DENND1A: variants seen among roughly 807,000 people sequenced by gnomAD.
The protein encoded by DENND1A is DENN domain containing 1A.
DENND1A carries 51 observed loss-of-function variants against 113.7 expected under a neutral mutation model. The ratio of observed to expected loss-of-function variants is 0.45; its 90% CI spans 0.36 to 0.57. DENND1A has a LOEUF of 0.57. Ranked by LOEUF, DENND1A falls within the 20% of genes least tolerant of loss-of-function variation. The pLI, the probability that DENND1A is intolerant of heterozygous loss-of-function variation, is 0.00. For synonymous variants in DENND1A, 565 were observed against 570.8 expected (o/e 0.99, Z 0.14); for missense variants, 1,258 against 1,395.9 (o/e 0.90, Z 1.57).
chr9:123,640,559 G>A (rs1039494954), intron 9 of DENND1A, among the ~76,000 whole-genome samples: 5 of 152,202 alleles, frequency 3.3e-5, no homozygotes, highest in East Asian at 1.9e-4. Context: ...CTGCTATTAC[G>A]ACGATCCTAA....
intron 13 of DENND1A, among the ~76,000 whole-genome samples, chr9:123,522,169 C>T (rs1007958991): frequency 6.6e-6 from 1 of 152,164 alleles, no homozygotes; most frequent in Non-Finnish European, 1.5e-5. Flanking sequence ...GGTTTCAAGG[C>T]CCTGCTGAGC....
intron 2 of DENND1A, among the ~76,000 whole-genome samples, chr9:123,871,302 T>G (rs772478368): frequency 6.6e-6 from 1 of 152,176 alleles, no homozygotes; most frequent in Non-Finnish European, 1.5e-5. Flanking sequence ...CAGGCTGGTC[T>G]TAAACTCCTG....
chr9:123,828,591 G>T lies in DENND1A; in HGVS notation c.89-35961C>A, dbSNP rs1436402119. On this transcript the variant is annotated intron_variant, in intron 2 of 23. Transcript: ENST00000394215. ...GACATTAACACCTACACTAATCATAGTGCAACTGCTAAAAATTAAAAATGA... is the reference window on the plus strand; with the variant it reads ...GACATTAACACCTACACTAATCATATTGCAACTGCTAAAAATTAAAAATGA... Among the ~76,000 whole-genome samples the T allele has an allele frequency of 2.0e-5, 3 of 150,042 alleles. No individual in the cohort carries two copies. In the East Asian group the frequency reaches 5.9e-4, roughly 29 times the overall value.
intron 21 of DENND1A, among the ~76,000 whole-genome samples, chr9:123,397,949 C>T (rs1445594416): frequency 1.3e-5 from 2 of 152,188 alleles, no homozygotes; most frequent in African/African-American, 2.4e-5. Context: ...AGTCAAGACC[C>T]TCGTGTGACT....
At chr9:123,561,017 C>A (rs923621123) in intron 12 of DENND1A, among the ~76,000 whole-genome samples, 3 of 152,160 alleles carry the variant, frequency 2.0e-5, no homozygotes, top group Non-Finnish European at 4.4e-5. Context: ...ACTACCCACT[C>A]CCTGCCCCTG....
rs200655095 is a variant in DENND1A, at chr9:123,457,790, C to T, written c.1098+3G>A. 1 of 1,605,730 alleles carries T rather than the reference C, an allele frequency of 6.2e-7. No homozygotes were observed. The highest frequency in any genetic ancestry group is 1.3e-5 in the African/African-American group (1 of 74,750). On this transcript the variant is annotated splice_donor_region_variant and intron_variant, in intron 14 of 23. Coordinates refer to ENST00000394215, the MANE Select transcript of DENND1A (RefSeq NM_001352964.2). Reference sequence around the variant, plus strand: ...ACCCAGGCCAGACCAGGGAGGGAGGCACCTGCTTGAAGAGCTGCAGCTGTG... The same window carrying T: ...ACCCAGGCCAGACCAGGGAGGGAGGTACCTGCTTGAAGAGCTGCAGCTGTG...
At chr9:123,646,546 C>A (rs992622212) in intron 9 of DENND1A, among the ~76,000 whole-genome samples, 2 of 152,080 alleles carry the variant, frequency 1.3e-5, no homozygotes, top group Admixed American at 6.6e-5. Context: ...TTGAAGGAAA[C>A]CACAGTGTCG....
chr9:123,864,717 A>G (rs1845580455), intron 2 of DENND1A, among the ~76,000 whole-genome samples: 1 of 152,110 alleles, frequency 6.6e-6, no homozygotes, highest in South Asian at 2.1e-4. Flanking sequence ...CCTACCCATG[A>G]ATTTCCATTA....
At chr9:123,647,324 T>C (rs1187038542) in intron 9 of DENND1A, among the ~76,000 whole-genome samples, 1 of 152,222 alleles carries the variant, frequency 6.6e-6, no homozygotes, top group Non-Finnish European at 1.5e-5. Context: ...CAATAAAGCT[T>C]TGTTGGCACA....
chr9:123,592,966 G>T (rs564021067), intron 11 of DENND1A, among the ~76,000 whole-genome samples: 1 of 152,240 alleles, frequency 6.6e-6, no homozygotes, highest in South Asian at 2.1e-4. Flanking sequence ...GAAGCACTAG[G>T]TATTAGTTAT....
chr9:123,918,381 G>C (rs1289853532), intron 1 of DENND1A, among the ~76,000 whole-genome samples: 3 of 151,692 alleles, frequency 2.0e-5, no homozygotes, highest in South Asian at 2.1e-4. Flanking sequence ...CCAGCTACTC[G>C]GGAGGCTGAA....
chr9:123,514,669 A>G (rs564161937), intron 13 of DENND1A, among the ~76,000 whole-genome samples: 2 of 152,354 alleles, frequency 1.3e-5, no homozygotes, highest in South Asian at 4.1e-4. Flanking sequence ...AATAATTCCT[A>G]TGTTGGACTG....
At chr9:123,769,232 C>A (rs1019122057) in intron 4 of DENND1A, among the ~76,000 whole-genome samples, 1 of 152,106 alleles carries the variant, frequency 6.6e-6, no homozygotes, top group Non-Finnish European at 1.5e-5. Context: ...AGATTAAATA[C>A]CAACCATTCT....
chr9:123,401,865 A>G, intron 21 of DENND1A: 3 of 1,614,144 alleles, frequency 1.9e-6, no homozygotes, highest in Non-Finnish European at 2.5e-6. Flanking sequence ...AAAATGGGTA[A>G]TGCTTTTCTG....
At chr9:123,548,874 A>G (rs928740267) in intron 13 of DENND1A, among the ~76,000 whole-genome samples, 1 of 152,178 alleles carries the variant, frequency 6.6e-6, no homozygotes, top group Non-Finnish European at 1.5e-5. Flanking sequence ...ATTCATAGAG[A>G]CAGAAAGTAG....
At chr9:123,864,162 A>G (rs959522994) in intron 2 of DENND1A, among the ~76,000 whole-genome samples, 1 of 152,226 alleles carries the variant, frequency 6.6e-6, no homozygotes, top group African/African-American at 2.4e-5. Flanking sequence ...TAATTATTTT[A>G]TGATTAGTAT....
At chr9:123,698,321 T>C (rs1473785535) in intron 5 of DENND1A, among the ~76,000 whole-genome samples, 1 of 152,192 alleles carries the variant, frequency 6.6e-6, no homozygotes, top group Non-Finnish European at 1.5e-5. Context: ...TCTGAAATCA[T>C]TTGGTAAGCT....
chr9:123,929,366 T>A (rs567575886), intron 1 of DENND1A, among the ~76,000 whole-genome samples: 1 of 152,046 alleles, frequency 6.6e-6, no homozygotes, highest in East Asian at 1.9e-4. Context: ...AGGGGGGAAA[T>A]AGAGAGACAG....
chr9:123,791,547 C>G (rs931823259), intron 3 of DENND1A, among the ~76,000 whole-genome samples: 3 of 152,120 alleles, frequency 2.0e-5, no homozygotes, highest in Admixed American at 6.6e-5. Flanking sequence ...TCTCATTATA[C>G]TGATTATCCA....
Sources: allele counts gnomAD v4.1 joint callset (sites outside exome capture counted in the v4.1 genomes callset), GRCh38; gene constraint gnomAD v4.1.1; transcripts MANE v1.5; gene names NCBI Gene and HGNC (gene_info 2026-07-23, HGNC 2026-07-21).